Variants in INSYN2B observed in about 807,000 individuals in gnomAD.
The protein encoded by INSYN2B is inhibitory synaptic factor family member 2B, also known as protein INSYN2B.
Under a neutral mutation model 41.2 loss-of-function variants are expected in INSYN2B, and 16 were observed. The ratio of observed to expected loss-of-function variants is 0.39; its 90% CI spans 0.26 to 0.59. The LOEUF (loss-of-function observed/expected upper bound fraction) is 0.59, where lower values mean the gene tolerates loss of function less well. Among genes scored for constraint, INSYN2B ranks in the 20% least tolerant of loss-of-function variants. INSYN2B has a pLI of 0.57. For missense variants in INSYN2B, 608 were observed against 646.4 expected (o/e 0.94, Z 0.64); for synonymous variants, 245 against 244.4 (o/e 1.00, Z -0.02).
intron 1 of INSYN2B, among the ~76,000 whole-genome samples, chr5:169,973,458 G>A (rs1038561905): frequency 2.6e-5 from 4 of 152,152 alleles, no homozygotes; most frequent in East Asian, 1.9e-4. Flanking sequence ...CCCTCTGCAT[G>A]TGTCTTCTAC....
intron 1 of INSYN2B, among the ~76,000 whole-genome samples, chr5:169,960,276 A>G (rs1380477878): frequency 1.3e-5 from 2 of 152,186 alleles, no homozygotes; most frequent in East Asian, 1.9e-4. Context: ...GTACATGGGT[A>G]TCTTTGTTTT....
intron 1 of INSYN2B, among the ~76,000 whole-genome samples, chr5:169,899,353 A>G (rs1773791318): frequency 6.6e-6 from 1 of 152,160 alleles, no homozygotes; most frequent in Non-Finnish European, 1.5e-5. Flanking sequence ...AGTGCAGCCA[A>G]TTCATATTCT....
In INSYN2B at chr5:169,884,078, G is replaced by C. The variant is rs774548953; in HGVS notation, c.-180C>G. ...GCCATTCCCAGCCTCTAGAGTCTAC[G>C]TAGGAACTATCTGTAATGCTTTCCC... On this transcript the variant is annotated 5_prime_UTR_variant, in exon 2 of 4. Transcript: ENST00000377365. 6.6e-5 allele frequency: 31 copies of C among 468,548 alleles called. No homozygotes were observed. Among genetic ancestry groups the C allele is most frequent in the African/African-American group, 5.8e-4 (30 of 51,470 alleles). The allele number at this position is 468,548 out of a possible 1,614,324, so 29.0% of individuals were successfully genotyped here.
intron 1 of INSYN2B, among the ~76,000 whole-genome samples, chr5:169,917,306 T>C (rs1164860807): frequency 6.6e-6 from 1 of 152,148 alleles, no homozygotes; most frequent in African/African-American, 2.4e-5. Flanking sequence ...CACCCAAGTG[T>C]CAATAAATAC....
intron 1 of INSYN2B, among the ~76,000 whole-genome samples, chr5:169,972,583 AG>A (rs1777554053): frequency 2.7e-4 from 13 of 47,792 alleles, no homozygotes; most frequent in East Asian, 1.4e-3. Context: ...ATAGATAGAT[AG>A]ATGATAGATA....
intron 3 of INSYN2B, among the ~76,000 whole-genome samples, chr5:169,877,399 G>C (rs1772393503): frequency 6.6e-6 from 1 of 152,200 alleles, no homozygotes. Context: ...AGCCTTTTCT[G>C]AACCTGCGGC....
chr5:169,978,257 A>G (rs924343564), intron 1 of INSYN2B, among the ~76,000 whole-genome samples: 2 of 151,800 alleles, frequency 1.3e-5, no homozygotes, highest in East Asian at 1.9e-4. Flanking sequence ...TGAGGGTTGC[A>G]TGGGCAGGCA....
At chr5:169,877,452 A>G (rs950620571) in intron 3 of INSYN2B, among the ~76,000 whole-genome samples, 1 of 152,242 alleles carries the variant, frequency 6.6e-6, no homozygotes, top group South Asian at 2.1e-4. Context: ...AGTTGGAATC[A>G]GTAGCTTATT....
chr5:169,940,491 T>C (rs1055240445), intron 1 of INSYN2B, among the ~76,000 whole-genome samples: 1 of 152,216 alleles, frequency 6.6e-6, no homozygotes, highest in Admixed American at 6.5e-5. Context: ...TAGTATTATA[T>C]TTTAATTTAT....
chr5:169,977,158 G>A lies in INSYN2B; in HGVS notation c.-919+3119C>T, dbSNP rs1346841136. ...TCACTTTTCCTACCTGCCAGCAACT[G>A]TTCCTGAATAAAAGAACTGTCCCAG... On this transcript the variant is annotated intron_variant, in intron 1 of 3. Coordinates refer to ENST00000377365, the MANE Select transcript of INSYN2B (RefSeq NM_001129891.3). 1.6e-4 allele frequency among the ~76,000 whole-genome samples: 25 copies of A among 152,226 alleles called. 2 individuals are homozygous for A. Among genetic ancestry groups the A allele is most frequent in the Non-Finnish European group, 3.2e-4 (22 of 68,040 alleles).
At chr5:169,956,369 T>C (rs1254611707) in intron 1 of INSYN2B, among the ~76,000 whole-genome samples, 1 of 152,236 alleles carries the variant, frequency 6.6e-6, no homozygotes, top group Non-Finnish European at 1.5e-5. Context: ...CTTAAGAGGC[T>C]GCTCCTGATC....
In INSYN2B at chr5:169,883,102, C is replaced by T. The variant is rs1051973868; in HGVS notation, c.797G>A (p.Ser266Asn). The T allele has an allele frequency of 1.3e-6, 2 of 1,551,634 alleles. No individual in the cohort carries two copies. The highest frequency in any genetic ancestry group is 3.9e-5 in the Admixed American group (2 of 51,000). ...TSCLNATSVA[S>N]HTPGTEELKP... ...AAGTTCCTCTGTGCCTGGTGTGTGGCTGGCAACGCTGGTGGCATTTAAGCA... is the reference window on the plus strand; with the variant it reads ...AAGTTCCTCTGTGCCTGGTGTGTGGTTGGCAACGCTGGTGGCATTTAAGCA... Residue 266 changes from serine (S) to asparagine (N), a missense_variant, in exon 2 of 4, where the codon AGC (serine) becomes AAC (asparagine). Physicochemically the swap from Ser to Asn is conservative, Grantham distance 46. Coordinates refer to ENST00000377365, the MANE Select transcript of INSYN2B (RefSeq NM_001129891.3).
chr5:169,974,318 T>C (rs1160194353), intron 1 of INSYN2B, among the ~76,000 whole-genome samples: 2 of 152,260 alleles, frequency 1.3e-5, no homozygotes, highest in Non-Finnish European at 2.9e-5. Flanking sequence ...CGATCATCAG[T>C]GTACTTTTTA....
chr5:169,916,068 G>A (rs1774857257), intron 1 of INSYN2B, among the ~76,000 whole-genome samples: 1 of 152,128 alleles, frequency 6.6e-6, no homozygotes, highest in African/African-American at 2.4e-5. Flanking sequence ...GAACTCAGAG[G>A]GCTGAATAGA....
intron 3 of INSYN2B, among the ~76,000 whole-genome samples, chr5:169,867,097 C>T (rs1025242253): frequency 1.3e-5 from 2 of 152,184 alleles, no homozygotes; most frequent in African/African-American, 4.8e-5. Context: ...GGAAACACTT[C>T]CTTACGTTTA....
chr5:169,965,200 C>A (rs1777251970), intron 1 of INSYN2B, among the ~76,000 whole-genome samples: 1 of 152,216 alleles, frequency 6.6e-6, no homozygotes, highest in Non-Finnish European at 1.5e-5. Flanking sequence ...CCACTGTGTG[C>A]TAAGGCAATG....
At chr5:169,943,013 CT>C (rs1776301429) in intron 1 of INSYN2B, among the ~76,000 whole-genome samples, 1 of 152,094 alleles carries the variant, frequency 6.6e-6, no homozygotes, top group Non-Finnish European at 1.5e-5. Flanking sequence ...ATATCAATAG[CT>C]AAAAAAGAGG....
Position 169,883,250 on chromosome 5 carries a change from T to C in INSYN2B, c.649A>G (p.Arg217Gly), listed in dbSNP as rs1288702399. 6 of 1,551,532 alleles carry C rather than the reference T, an allele frequency of 3.9e-6. No individual in the cohort carries two copies. The East Asian group carries it at 9.8e-5, about 25-fold the overall frequency. Residue 217 changes from arginine to glycine, a missense_variant, in exon 2 of 4, where the codon AGA (arginine) becomes GGA (glycine). Transcript: ENST00000377365. ...DIYHSPSWEA[R>G]ESALSPDRSA... Reference sequence around the variant, plus strand: ...CTGTCTGGGCTGAGAGCAGACTCTCTAGCTTCCCAGGAAGGACTGTGATAA... The same window carrying C: ...CTGTCTGGGCTGAGAGCAGACTCTCCAGCTTCCCAGGAAGGACTGTGATAA...
Position 169,883,049 on chromosome 5 carries a change from T to C in INSYN2B, c.850A>G (p.Asn284Asp). The change falls in exon 2 of 4, where the codon AAC becomes GAC. Residue 284 changes from asparagine (N) to aspartate (D), a missense_variant. Transcript: ENST00000377365. ...GAGCCAAGGTCTTTGTCATCTGAGT[T>C]GTCTTTGGGCAAAAGCAATTCAGGT... ...LKPELLLPKDNSDDKDLGSLS... is the reference protein window; with the variant it reads ...LKPELLLPKDDSDDKDLGSLS... 6.4e-7 allele frequency: 1 copy of C among 1,551,614 alleles called. No individual in the cohort carries two copies. Among genetic ancestry groups the C allele is most frequent in the Non-Finnish European group, 8.7e-7 (1 of 1,146,922 alleles).
Sources: gnomAD v4.1 joint callset for allele counts (sites outside exome capture counted in the v4.1 genomes callset) on GRCh38, gnomAD v4.1.1 for gene constraint, MANE v1.5 for transcripts, NCBI Gene and HGNC (gene_info 2026-07-23, HGNC 2026-07-21) for gene names.